Variants in L3MBTL4 observed in about 807,000 individuals in gnomAD.
L3MBTL4 encodes lethal(3)malignant brain tumor-like protein 4.
In L3MBTL4, 70 loss-of-function variants were observed where a neutral mutation model predicts 84.5. That is an observed-to-expected ratio of 0.83 (90% CI 0.68 to 1.01). The LOEUF (loss-of-function observed/expected upper bound fraction) is 1.01. L3MBTL4 is among the 50% of genes least tolerant of loss of function. The pLI is 0.00. For missense variants in L3MBTL4, 715 were observed against 754.8 expected (o/e 0.95, Z 0.62); for synonymous variants, 274 against 259.8 (o/e 1.05, Z -0.52).
intron 1 of L3MBTL4, among the ~76,000 whole-genome samples, chr18:6,316,759 C>A (rs1429135696): frequency 6.6e-6 from 1 of 151,978 alleles, no homozygotes; most frequent in Non-Finnish European, 1.5e-5. Flanking sequence ...GGAGTTGGAT[C>A]ACTTTCCTGC....
chr18:6,365,197 A>G (rs973616889), intron 1 of L3MBTL4, among the ~76,000 whole-genome samples: 3 of 152,190 alleles, frequency 2.0e-5, no homozygotes, highest in African/African-American at 4.8e-5. Flanking sequence ...TGGAATAAAC[A>G]TGCTTCCCTC....
At chr18:6,021,513 C>T (rs2055258555) in intron 16 of L3MBTL4, among the ~76,000 whole-genome samples, 1 of 152,290 alleles carries the variant, frequency 6.6e-6, no homozygotes, top group African/African-American at 2.4e-5. Context: ...AGCACCGCGG[C>T]GTGCCATCCT....
In L3MBTL4 at chr18:6,410,055, G is replaced by T. The variant is rs1232965707; in HGVS notation, c.-91+4746C>A. Among the ~76,000 whole-genome samples, 8 of 146,824 alleles carry T rather than the reference G, an allele frequency of 5.4e-5. No individual in the cohort carries two copies. The East Asian group carries it at 1.6e-3, about 29-fold the overall frequency. ...AGGTCACCTCCCTGACTCCCACCTG[G>T]ATACCTGCAATGGCATCCTAACCAG... On this transcript the variant is annotated intron_variant, in intron 1 of 18. Coordinates refer to ENST00000317931, the MANE Select transcript of L3MBTL4 (RefSeq NM_001330559.2).
intron 14 of L3MBTL4, among the ~76,000 whole-genome samples, chr18:6,134,338 G>A (rs9958751): frequency 0.052 from 7,937 of 151,952 alleles, 694 homozygotes; most frequent in African/African-American, 0.18. Context: ...ATTCCACCCC[G>A]GCCCCTCCAA....
At chr18:6,163,089 A>G (rs763495697) in intron 13 of L3MBTL4, among the ~76,000 whole-genome samples, 2 of 152,134 alleles carry the variant, frequency 1.3e-5, no homozygotes, top group Admixed American at 1.3e-4. Context: ...GACAATCATA[A>G]CACCACTGCA....
In L3MBTL4 at chr18:6,170,690, C is replaced by T. The variant is rs149871643; in HGVS notation, c.1096+1138G>A. 2.2e-3 allele frequency among the ~76,000 whole-genome samples: 342 copies of T among 152,024 alleles called. 2 individuals are homozygous for T. The highest frequency in any genetic ancestry group is 0.015 in the East Asian group (75 of 5,154). ...CACGCCTACCCCAGCGGAAATCGTT[C>T]GTACTTGAGAAAGTTACTGGCTGAG... On this transcript the variant is annotated intron_variant, in intron 13 of 18. Transcript: ENST00000317931.
At chr18:6,098,928 A>G (rs1486606335) in intron 14 of L3MBTL4, among the ~76,000 whole-genome samples, 1 of 152,178 alleles carries the variant, frequency 6.6e-6, no homozygotes, top group Non-Finnish European at 1.5e-5. Flanking sequence ...ACCAAAGGAC[A>G]GGAGGAAGCA....
intron 17 of L3MBTL4, chr18:5,960,730 G>T (rs1430339582): frequency 6.6e-6 from 1 of 152,224 alleles, no homozygotes; most frequent in Non-Finnish European, 1.5e-5. Context: ...TTGATAAGTA[G>T]CAGAGACATT....
intron 4 of L3MBTL4, among the ~76,000 whole-genome samples, chr18:6,296,210 A>G (rs2146767317): frequency 1.3e-5 from 2 of 152,340 alleles, no homozygotes; most frequent in South Asian, 4.1e-4. Flanking sequence ...TTCTAGAATC[A>G]TTTAATAAGC....
Position 6,213,246 on chromosome 18 carries a change from C to A in L3MBTL4, c.884G>T (p.Gly295Val). Residue 295 changes from glycine (G) to valine (V), a missense_variant, in exon 12 of 19, where the codon GGT becomes GTT. By Grantham distance (109) the Gly-to-Val change is moderately radical. Transcript: ENST00000317931. ...AKVFKMRLPH[G>V]FLPNMKLEVV... The stretch of plus-strand genomic sequence containing the variant: ...TTCAAGTTTCATATTTGGCAGAAAA[C>A]CATGAGGCAACCTCTGTAAATGTTA... 1 of 1,601,752 alleles carries A rather than the reference C, an allele frequency of 6.2e-7. No homozygotes were observed. The highest frequency in any genetic ancestry group is 8.5e-7 in the Non-Finnish European group (1 of 1,172,636).
At chr18:6,122,370 A>G (rs923810458) in intron 14 of L3MBTL4, among the ~76,000 whole-genome samples, 1 of 152,178 alleles carries the variant, frequency 6.6e-6, no homozygotes, top group African/African-American at 2.4e-5. Flanking sequence ...TCCCCACCCA[A>G]ATCTCATCTT....
intron 4 of L3MBTL4, among the ~76,000 whole-genome samples, chr18:6,278,396 G>A (rs2049179715): frequency 6.6e-6 from 1 of 152,034 alleles, no homozygotes; most frequent in Non-Finnish European, 1.5e-5. Flanking sequence ...TTATAAAATT[G>A]AACCCTGTGT....
chr18:6,091,213 G>A (rs946010590), intron 15 of L3MBTL4, among the ~76,000 whole-genome samples: 1 of 151,966 alleles, frequency 6.6e-6, no homozygotes, highest in East Asian at 1.9e-4. Context: ...ATCATTCCTT[G>A]TCGATTCCTT....
At chr18:5,964,516 T>G (rs1301441586) in intron 17 of L3MBTL4, among the ~76,000 whole-genome samples, 2 of 152,084 alleles carry the variant, frequency 1.3e-5, no homozygotes, top group Non-Finnish European at 2.9e-5. Flanking sequence ...TTGCCTTTTT[T>G]TTTTCTAAGG....
intron 5 of L3MBTL4, chr18:6,260,176 T>C (rs1300588398): frequency 7.9e-5 from 12 of 152,242 alleles, no homozygotes; most frequent in Admixed American, 7.8e-4. Context: ...AGTACCATGC[T>C]GTTTGGTTTC....
chr18:6,248,706 G>A (rs908022769), intron 5 of L3MBTL4, among the ~76,000 whole-genome samples: 1 of 151,972 alleles, frequency 6.6e-6, no homozygotes, highest in African/African-American at 2.4e-5. Flanking sequence ...ATGCTCTTTT[G>A]CACGTGGCTT....
chr18:6,041,610 C>T (rs1045137570), intron 16 of L3MBTL4, among the ~76,000 whole-genome samples: 2 of 152,098 alleles, frequency 1.3e-5, no homozygotes, highest in African/African-American at 2.4e-5. Context: ...GAAGGCAGAA[C>T]GTGTCCACAA....
intron 12 of L3MBTL4, among the ~76,000 whole-genome samples, chr18:6,178,131 G>A (rs1226125550): frequency 6.6e-6 from 1 of 151,822 alleles, no homozygotes; most frequent in Non-Finnish European, 1.5e-5. Context: ...TTTTTTGACA[G>A]CAGGTACAAT....
intron 1 of L3MBTL4, among the ~76,000 whole-genome samples, chr18:6,392,929 G>C (rs1479572585): frequency 6.6e-6 from 1 of 152,118 alleles, no homozygotes; most frequent in East Asian, 1.9e-4. Flanking sequence ...GAAGTGGGGA[G>C]AGTAGGAAGG....
Sources: gnomAD v4.1 joint callset for allele counts (sites outside exome capture counted in the v4.1 genomes callset) on GRCh38, gnomAD v4.1.1 for gene constraint, MANE v1.5 for transcripts, NCBI Gene and HGNC (gene_info 2026-07-23, HGNC 2026-07-21) for gene names.